NCOA4: variants seen among roughly 807,000 people sequenced by gnomAD.
NCOA4 encodes nuclear receptor coactivator 4.
A neutral mutation model predicts 69.5 loss-of-function variants in NCOA4; 31 were observed. The observed-to-expected ratio is 0.45, with a 90% CI of 0.34 to 0.60. NCOA4 has a LOEUF of 0.60. Among genes scored for constraint, NCOA4 ranks in the 20% least tolerant of loss-of-function variants. NCOA4 has a pLI of 0.02. For missense variants in NCOA4, 600 were observed against 719.2 expected, an observed-to-expected ratio of 0.83 and a Z score of 1.90; for synonymous variants, 228 against 252.4, an observed-to-expected ratio of 0.90 and a Z score of 0.92.
intron 1 of NCOA4, among the ~76,000 whole-genome samples, chr10:46,020,801 T>G (rs1554924203): frequency 6.6e-6 from 1 of 152,234 alleles, no homozygotes; most frequent in African/African-American, 2.4e-5. Flanking sequence ...GATCCTAATA[T>G]TCAAATCAAT....
At chr10:46,019,828 C>G (rs529616684) in intron 1 of NCOA4, among the ~76,000 whole-genome samples, 1 of 152,300 alleles carries the variant, frequency 6.6e-6, no homozygotes, top group South Asian at 2.1e-4. Flanking sequence ...GGAGTGTTAT[C>G]CTTCAAAAGT....
At chr10:46,009,340 C>A (rs781893647) in intron 9 of NCOA4, 71 bp downstream of exon 9, 48 of 1,550,492 alleles carry the variant, frequency 3.1e-5, no homozygotes, top group Non-Finnish European at 4.2e-5. Flanking sequence ...AGTATGACTT[C>A]ATATGTAAGA....
intron 7 of NCOA4, among the ~76,000 whole-genome samples, chr10:46,011,689 C>G (rs1439567967): frequency 6.6e-6 from 1 of 151,978 alleles, no homozygotes; most frequent in Non-Finnish European, 1.5e-5. Context: ...GTGTAATATG[C>G]CTTTACAAAT....
intron 5 of NCOA4, 49 bp from the exon 6 acceptor site, chr10:46,013,688 A>G: frequency 7.5e-7 from 1 of 1,338,866 alleles, no homozygotes; most frequent in Non-Finnish European, 1.1e-6. Flanking sequence ...ATGCTGCCAA[A>G]AAAGTGAAAT....
At chr10:46,029,055 G>A (rs1457214616) in intron 1 of NCOA4, among the ~76,000 whole-genome samples, 2 of 151,416 alleles carry the variant, frequency 1.3e-5, no homozygotes, top group Non-Finnish European at 2.9e-5. Flanking sequence ...AAAAGGGGGG[G>A]GTGAGGGGTA....
intron 1 of NCOA4, chr10:46,023,563 G>T: frequency 1.0e-6 from 1 of 977,694 alleles, no homozygotes; most frequent in Non-Finnish European, 1.2e-6. Context: ...TGGCGCTCGC[G>T]GCCCCCCTGC....
Position 46,014,949 on chromosome 10 carries a change from GA to G in NCOA4, c.283-8del. 6.2e-7 allele frequency: 1 copy of G among 1,611,182 alleles called. No homozygotes were observed. The highest frequency in any genetic ancestry group is 8.5e-7 in the Non-Finnish European group (1 of 1,178,976). ...AATTGAACTGGCCCAATAACTAAAA[GA>G]AAAATGAAACCAACTAGCCACAATG... is the stretch of plus-strand genomic sequence containing the variant. On this transcript the variant is annotated splice_polypyrimidine_tract_variant and splice_region_variant and intron_variant, in intron 3 of 9. Coordinates refer to ENST00000581486, the MANE Select transcript of NCOA4 (RefSeq NM_001145263.2).
intron 1 of NCOA4, among the ~76,000 whole-genome samples, chr10:46,017,603 A>T (rs1290839505): frequency 6.6e-6 from 1 of 152,106 alleles, no homozygotes. Flanking sequence ...TAGAGAGAAT[A>T]TATGTAATAT....
intron 9 of NCOA4, among the ~76,000 whole-genome samples, chr10:46,007,388 A>T (rs1372102867): frequency 2.6e-5 from 4 of 152,194 alleles, no homozygotes; most frequent in Non-Finnish European, 5.9e-5. Context: ...TGCAAGGTGA[A>T]GTAGCAAGTT....
intron 1 of NCOA4, chr10:46,019,308 G>A (rs1590170629): frequency 1.0e-6 from 1 of 984,320 alleles, no homozygotes; most frequent in East Asian, 1.1e-4. Context: ...TCACTGCAGG[G>A]ACTATGAAAA....
At chr10:46,007,780 G>A (rs1366619461) in intron 9 of NCOA4, among the ~76,000 whole-genome samples, 1 of 151,660 alleles carries the variant, frequency 6.6e-6, no homozygotes, top group Non-Finnish European at 1.5e-5. Context: ...GTACAGACAG[G>A]GTCTCTGTAT....
At chr10:46,009,338 T>C in intron 9 of NCOA4, 73 bp downstream of exon 9, 3 of 1,550,086 alleles carry the variant, frequency 1.9e-6, no homozygotes, top group Non-Finnish European at 2.7e-6. Context: ...CAAGTATGAC[T>C]TCATATGTAA....
chr10:46,023,562 C>A, intron 1 of NCOA4: 1 of 977,552 alleles, frequency 1.0e-6, no homozygotes, highest in Non-Finnish European at 1.2e-6. Flanking sequence ...CTGGCGCTCG[C>A]GGCCCCCCTG....
chr10:46,010,022 C>T (rs1839107056), intron 8 of NCOA4, among the ~76,000 whole-genome samples: 1 of 152,082 alleles, frequency 6.6e-6, no homozygotes, highest in Non-Finnish European at 1.5e-5. Flanking sequence ...ATTAGCCAGG[C>T]ATGGTGGTGC....
At chr10:46,023,070 TAACTGAAAACCGACCGCAAGGC>T (rs1554924816) in intron 1 of NCOA4, among the ~76,000 whole-genome samples, 1 of 152,244 alleles carries the variant, frequency 6.6e-6, no homozygotes, top group African/African-American at 2.4e-5. Context: ...TCTAAAGTAG[TAACTGAAAACCGACCGCAAGGC>T]ATTTCTAATT....
intron 7 of NCOA4, among the ~76,000 whole-genome samples, chr10:46,012,599 A>G (rs1381073646): frequency 2.0e-5 from 3 of 152,142 alleles, no homozygotes; most frequent in African/African-American, 7.2e-5. Context: ...GTATGTATAG[A>G]AAACTGAAGT....
At chr10:46,020,397 A>G (rs1465433529) in intron 1 of NCOA4, among the ~76,000 whole-genome samples, 2 of 152,164 alleles carry the variant, frequency 1.3e-5, no homozygotes, top group African/African-American at 4.8e-5. Flanking sequence ...GTGAGATATT[A>G]TATGTCTACC....
intron 1 of NCOA4, among the ~76,000 whole-genome samples, chr10:46,027,215 G>A (rs1840204135): frequency 6.9e-6 from 1 of 145,136 alleles, no homozygotes; most frequent in Admixed American, 7.2e-5. Context: ...AGCTTGCAAT[G>A]AGCGGAGATC....
chr10:46,019,365 G>A, intron 1 of NCOA4: 1 of 985,458 alleles, frequency 1.0e-6, no homozygotes, highest in Non-Finnish European at 1.2e-6. Context: ...TTGGAGAGCT[G>A]GAGCGTGATG....
Sources: gnomAD v4.1 joint callset for allele counts (sites outside exome capture counted in the v4.1 genomes callset) on GRCh38, gnomAD v4.1.1 for gene constraint, MANE v1.5 for transcripts, NCBI Gene and HGNC (gene_info 2026-07-23, HGNC 2026-07-21) for gene names.